GABRA3: variants seen among roughly 807,000 people sequenced by gnomAD.
The protein encoded by GABRA3 is gamma-aminobutyric acid type A receptor subunit alpha3, also known as gamma-aminobutyric acid receptor subunit alpha-3.
Under a neutral mutation model 30.1 loss-of-function variants are expected in GABRA3, and 10 were observed. The ratio of observed to expected loss-of-function variants is 0.33; its 90% CI spans 0.20 to 0.56. GABRA3 has a LOEUF of 0.56. GABRA3 is among the 20% of genes least tolerant of loss of function. The pLI is 0.89. For missense variants in GABRA3, 233 were observed against 392.0 expected (o/e 0.59, Z 3.42); for synonymous variants, 151 against 146.8 (o/e 1.03, Z -0.21).
At chrX:152,302,443 G>C (rs1939647823) in intron 3 of GABRA3, among the ~76,000 whole-genome samples, 1 of 111,753 alleles carries the variant, frequency 8.9e-6, no homozygotes, top group Non-Finnish European at 1.9e-5. Context: ...GAAGTGTTTT[G>C]CACTTCAAAT....
chrX:152,262,161 G>T (rs6627561), intron 4 of GABRA3, among the ~76,000 whole-genome samples: 9,308 of 111,961 alleles, frequency 0.083, 814 homozygotes, highest in African/African-American at 0.26. Flanking sequence ...CATGGAGCAG[G>T]GGGTTCCTGG....
intron 6 of GABRA3, among the ~76,000 whole-genome samples, chrX:152,213,181 G>T (rs1454357914): frequency 8.9e-6 from 1 of 111,875 alleles, no homozygotes; most frequent in Admixed American, 9.5e-5. Flanking sequence ...AAACAATCTT[G>T]CCATGTTAGC....
At chrX:152,240,010 G>T (rs1249845695) in intron 5 of GABRA3, among the ~76,000 whole-genome samples, 3 of 95,352 alleles carry the variant, frequency 3.1e-5, no homozygotes, top group Non-Finnish European at 6.0e-5. Context: ...AGTTAATATT[G>T]TTATGTGTGA....
intron 4 of GABRA3, among the ~76,000 whole-genome samples, chrX:152,271,424 C>A (rs771854505): frequency 1.8e-5 from 2 of 112,015 alleles, no homozygotes; most frequent in South Asian, 7.5e-4. Flanking sequence ...GCATTTTGCC[C>A]CTGCCCTAGA....
chrX:152,376,349 G>C (rs1368875027), intron 1 of GABRA3, among the ~76,000 whole-genome samples: 2 of 110,371 alleles, frequency 1.8e-5, no homozygotes, highest in African/African-American at 6.6e-5. Flanking sequence ...CTCCGAGCCT[G>C]CTTGAGTGAA....
Position 152,345,720 on chromosome X carries a change from A to G in GABRA3, c.141-18T>C. 8.7e-7 allele frequency: 1 copy of G among 1,148,827 alleles called. No individual in the cohort carries two copies. Among genetic ancestry groups the G allele is most frequent in the Non-Finnish European group, 1.1e-6 (1 of 871,856 alleles). The allele number at this position is 1,148,827 out of a possible 1,213,427, so 94.7% of individuals were successfully genotyped here. ...GAGACAGCCTGAGGCAATGCAAGGA[A>G]AAGAAAAAAAATAATAGTTCTTAAT... On this transcript the variant is annotated intron_variant, in intron 2 of 9. Transcript: ENST00000370314.
intron 4 of GABRA3, among the ~76,000 whole-genome samples, chrX:152,264,802 A>T (rs966718027): frequency 3.6e-5 from 4 of 111,574 alleles, no homozygotes; most frequent in African/African-American, 1.3e-4. Context: ...GGATGGAAAA[A>T]GATATTCCAT....
chrX:152,270,427 AGT>A (rs753295703), intron 4 of GABRA3, among the ~76,000 whole-genome samples: 1 of 111,924 alleles, frequency 8.9e-6, no homozygotes, highest in African/African-American at 3.2e-5. Flanking sequence ...TCTTTATGGC[AGT>A]GTGAGAACGG....
In GABRA3 at chrX:152,318,059, GATC is replaced by G. The variant is rs59221149; in HGVS notation, c.262+27519_262+27521del. 7.8e-3 allele frequency among the ~76,000 whole-genome samples: 867 copies of G among 111,443 alleles called. 11 individuals carry two copies. Among genetic ancestry groups the G allele is most frequent in the African/African-American group, 0.027 (832 of 30,727 alleles). On this transcript the variant is annotated intron_variant, in intron 3 of 9. Transcript: ENST00000370314. Reference sequence around the variant, plus strand: ...TTTGAACAGATACACAAAATTGATAGATCATTAGCAAGATTAACCAAAAAAAGA... The same window carrying G: ...TTTGAACAGATACACAAAATTGATAGATTAGCAAGATTAACCAAAAAAAGA...
intron 3 of GABRA3, among the ~76,000 whole-genome samples, chrX:152,318,027 C>A (rs756060951): frequency 9.0e-6 from 1 of 111,113 alleles, no homozygotes; most frequent in Admixed American, 9.6e-5. Flanking sequence ...AAACAAAAAG[C>A]CTGTTCTTTG....
At chrX:152,440,009 C>T (rs1299182347) in intron 1 of GABRA3, among the ~76,000 whole-genome samples, 1 of 111,749 alleles carries the variant, frequency 8.9e-6, no homozygotes, top group East Asian at 2.8e-4. Flanking sequence ...CAACAAAAGC[C>T]AAAATTGACA....
intron 3 of GABRA3, among the ~76,000 whole-genome samples, chrX:152,307,977 T>C (rs1438002604): frequency 1.8e-5 from 2 of 112,344 alleles, no homozygotes; most frequent in Non-Finnish European, 3.8e-5. Context: ...GGGATGCCCA[T>C]CCACCAAAGC....
chrX:152,362,681 G>C (rs759490831), intron 2 of GABRA3, among the ~76,000 whole-genome samples: 1 of 111,583 alleles, frequency 9.0e-6, no homozygotes, highest in Admixed American at 9.5e-5. Context: ...ATTAAACTAG[G>C]GTGCTAGCAG....
At chrX:152,386,525 A>G (rs1185964212) in intron 1 of GABRA3, among the ~76,000 whole-genome samples, 1 of 110,366 alleles carries the variant, frequency 9.1e-6, no homozygotes, top group African/African-American at 3.3e-5. Flanking sequence ...ACATTTATGC[A>G]GCCAAAAAAC....
At chrX:152,183,405 TCTC>T (rs1221129530) in intron 9 of GABRA3, among the ~76,000 whole-genome samples, 3 of 111,178 alleles carry the variant, frequency 2.7e-5, no homozygotes, top group East Asian at 2.8e-4. Context: ...GTTGTTAACA[TCTC>T]CTGTTTCATT....
At chrX:152,201,787 C>T (rs1937488049) in intron 7 of GABRA3, among the ~76,000 whole-genome samples, 2 of 111,912 alleles carry the variant, frequency 1.8e-5, no homozygotes, top group Middle Eastern at 4.7e-3. Flanking sequence ...CTCTCTATCT[C>T]TACTCCTTGT....
intron 5 of GABRA3, among the ~76,000 whole-genome samples, chrX:152,245,959 T>C (rs777895249): frequency 1.2e-4 from 14 of 112,042 alleles, no homozygotes; most frequent in African/African-American, 4.2e-4. Flanking sequence ...AATTGGCACA[T>C]AGCAGATGGT....
At chrX:152,171,869 G>T (rs1937007248) in intron 9 of GABRA3, among the ~76,000 whole-genome samples, 1 of 111,688 alleles carries the variant, frequency 9.0e-6, no homozygotes, top group Non-Finnish European at 1.9e-5. Context: ...TTTGTGATGA[G>T]GCAATGAAAA....
chrX:152,240,309 G>T (rs983859092), intron 5 of GABRA3, among the ~76,000 whole-genome samples: 11 of 99,784 alleles, frequency 1.1e-4, no homozygotes, highest in Non-Finnish European at 2.1e-4. Context: ...CTTTAAGAAC[G>T]TTGAATATTG....
Sources: gnomAD v4.1 joint callset for allele counts (sites outside exome capture counted in the v4.1 genomes callset) on GRCh38, gnomAD v4.1.1 for gene constraint, MANE v1.5 for transcripts, NCBI Gene and HGNC (gene_info 2026-07-23, HGNC 2026-07-21) for gene names.